The following CLIC5 variants were observed in gnomAD, a reference collection of about 807,000 sequenced individuals.
CLIC5 encodes CLIC family member 5.
In CLIC5, 20 loss-of-function variants were observed where a neutral mutation model predicts 24.7. The observed-to-expected ratio is 0.81, with a 90% confidence interval of 0.57 to 1.18. The LOEUF (loss-of-function observed/expected upper bound fraction) is 1.18. Among genes scored for constraint, CLIC5 ranks in the 50% most tolerant of loss-of-function variants. The probability of loss-of-function intolerance (pLI) is 0.00; values close to 1 mark genes in which losing one functional copy is unlikely to be tolerated. For missense variants in CLIC5, 341 were observed against 326.1 expected (o/e 1.05, Z -0.35); for synonymous variants, 159 against 135.6 (o/e 1.17, Z -1.20).
chr6:45,940,284 A>G (rs1433621339), intron 4 of CLIC5, among the ~76,000 whole-genome samples: 1 of 152,204 alleles, frequency 6.6e-6, no homozygotes, highest in Non-Finnish European at 1.5e-5. Context: ...ACCTGCAGTT[A>G]ATCAGCTCTC....
At chr6:46,091,235 G>A in the CLIC5 span, among the ~76,000 whole-genome samples, 2 of 151,952 alleles carry the variant, frequency 1.3e-5, no homozygotes, top group African/African-American at 2.4e-5. Flanking sequence ...TTGCATCTTT[G>A]ACCAACATCT....
rs1471094692 is a variant in CLIC5 at position 45,900,020 on chromosome 6, AG to A, written c.*3067del. ...TTTGACTTTCTTTATCAGGAGATGA[AG>A]AAACTGTGCTTTGGATCCATCATGA... On this transcript the variant is annotated 3_prime_UTR_variant, in exon 6 of 6. Coordinates refer to ENST00000339561, the MANE Select transcript of CLIC5 (RefSeq NM_016929.5). 1 of 152,186 alleles carries A rather than the reference AG, an allele frequency of 6.6e-6. No individual in the cohort carries two copies. The highest frequency in any genetic ancestry group is 1.5e-5 in the Non-Finnish European group (1 of 68,032). 9.4% of individuals were successfully genotyped at this position (152,186 alleles called of 1,614,324 possible).
chr6:46,029,188 G>A (rs1403898236), intron 1 of CLIC5, among the ~76,000 whole-genome samples: 3 of 152,134 alleles, frequency 2.0e-5, no homozygotes, highest in African/African-American at 7.2e-5. Flanking sequence ...CTTACACAGA[G>A]CAGACACTTA....
At chr6:46,111,427 T>C in the CLIC5 span, among the ~76,000 whole-genome samples, 1 of 152,220 alleles carries the variant, frequency 6.6e-6, no homozygotes, top group South Asian at 2.1e-4. Context: ...TTTTCTTCTA[T>C]TTCCTTAGAA....
the CLIC5 span, among the ~76,000 whole-genome samples, chr6:46,118,680 A>C: frequency 5.4e-4 from 83 of 152,322 alleles, no homozygotes; most frequent in African/African-American, 1.9e-3. Context: ...CCTCAATCCC[A>C]ATGATCTCTC....
intron 1 of CLIC5, among the ~76,000 whole-genome samples, chr6:45,967,313 T>G (rs1303293055): frequency 3.3e-5 from 5 of 152,186 alleles, no homozygotes; most frequent in African/African-American, 4.8e-5. Flanking sequence ...ACATGGTCCC[T>G]CTCTTGAGAA....
chr6:46,091,576 TA>T, the CLIC5 span, among the ~76,000 whole-genome samples: 1 of 152,130 alleles, frequency 6.6e-6, no homozygotes, highest in Admixed American at 6.6e-5. Flanking sequence ...CTGCAAAGAT[TA>T]AAAAATAAAA....
intron 1 of CLIC5, among the ~76,000 whole-genome samples, chr6:46,066,734 A>G (rs750745034): frequency 2.0e-5 from 3 of 152,192 alleles, no homozygotes; most frequent in Non-Finnish European, 2.9e-5. Flanking sequence ...ATGAGGTAAG[A>G]GGTGCTAAAA....
chr6:45,887,789 T>C (rs57799357), intron 6 of CLIC5, among the ~76,000 whole-genome samples: 2,788 of 151,966 alleles, frequency 0.018, 96 homozygotes, highest in African/African-American at 0.064. Flanking sequence ...CGTAATACAC[T>C]CACATGTAAT....
intron 4 of CLIC5, among the ~76,000 whole-genome samples, chr6:45,935,871 T>C (rs1336606693): frequency 6.6e-6 from 1 of 152,158 alleles, no homozygotes; most frequent in Non-Finnish European, 1.5e-5. Flanking sequence ...GAGCTGCACA[T>C]AGCAGGCAAA....
At chr6:45,957,717 G>A (rs1764692010) in intron 1 of CLIC5, among the ~76,000 whole-genome samples, 1 of 152,182 alleles carries the variant, frequency 6.6e-6, no homozygotes, top group South Asian at 2.1e-4. Flanking sequence ...AATATGCGAG[G>A]ATGCTACCAT....
At chr6:46,116,639 G>C in the CLIC5 span, among the ~76,000 whole-genome samples, 41 of 152,298 alleles carry the variant, frequency 2.7e-4, no homozygotes, top group African/African-American at 9.6e-4. Flanking sequence ...AATAGGGTAA[G>C]GCCAAGCTCT....
intron 3 of CLIC5, among the ~76,000 whole-genome samples, chr6:45,948,189 A>T (rs1764349102): frequency 6.6e-6 from 1 of 152,228 alleles, no homozygotes; most frequent in Non-Finnish European, 1.5e-5. Flanking sequence ...AGTGTTGATG[A>T]ATAAATAAAA....
chr6:46,011,975 A>T (rs1766825295), intron 1 of CLIC5, among the ~76,000 whole-genome samples: 1 of 152,122 alleles, frequency 6.6e-6, no homozygotes, highest in Admixed American at 6.5e-5. Flanking sequence ...CATAATATTC[A>T]AGTCAGTGTG....
In CLIC5 at chr6:45,900,374, T is replaced by G. The variant is rs1359268579; in HGVS notation, c.*2714A>C. ...GGAAGCCTCCTACCCTATAGCTGTATAGTTGTGGGGTCCCAACTGCAGACC... is the reference window on the plus strand; with the variant it reads ...GGAAGCCTCCTACCCTATAGCTGTAGAGTTGTGGGGTCCCAACTGCAGACC... On this transcript the variant is annotated 3_prime_UTR_variant, in exon 6 of 6. Transcript: ENST00000339561. The G allele has an allele frequency of 4.6e-5, 7 of 152,174 alleles. No individual in the cohort carries two copies. The East Asian group carries it at 1.3e-3, about 29-fold the overall frequency. 9.4% of individuals were successfully genotyped at this position (152,174 alleles called of 1,614,324 possible).
chr6:45,973,424 C>A (rs1362700541), intron 1 of CLIC5, among the ~76,000 whole-genome samples: 1 of 152,160 alleles, frequency 6.6e-6, no homozygotes, highest in Non-Finnish European at 1.5e-5. Context: ...TCTTTCTTTT[C>A]ATTTTTTAAA....
At position 46,015,653 on chromosome 6, in the gene CLIC5, G is replaced by T; in HGVS notation, c.-111C>A. On this transcript the variant is annotated 5_prime_UTR_variant, in exon 1 of 6. Coordinates refer to ENST00000339561, the MANE Select transcript of CLIC5 (RefSeq NM_016929.5). Reference sequence around the variant, plus strand: ...GCCCAGCGGGGCTCCTCTTCAGGGCGGTGTTTAATTTTTCACAAAACCATC... The same window carrying T: ...GCCCAGCGGGGCTCCTCTTCAGGGCTGTGTTTAATTTTTCACAAAACCATC... 5 of 1,328,274 alleles carry T rather than the reference G, an allele frequency of 3.8e-6. No individual in the cohort carries two copies. The highest frequency in any genetic ancestry group is 3.9e-6 in the Non-Finnish European group (4 of 1,029,868). 82.3% of individuals were successfully genotyped at this position (1,328,274 alleles called of 1,614,324 possible). A position where few individuals can be genotyped will look rare whatever the true frequency, so the allele number is the denominator to read the frequency against.
intron 1 of CLIC5, among the ~76,000 whole-genome samples, chr6:46,035,845 A>G (rs1767642807): frequency 6.6e-6 from 1 of 151,762 alleles, no homozygotes; most frequent in African/African-American, 2.4e-5. Flanking sequence ...CCTAGGTTCA[A>G]CTGATTCTCC....
upstream of CLIC5, among the ~76,000 whole-genome samples, chr6:46,080,927 T>C (rs148329363): frequency 4.7e-3 from 709 of 152,306 alleles, 3 homozygotes; most frequent in Non-Finnish European, 7.8e-3. Context: ...CAAAGACTTA[T>C]GGCTTTAATT....
Sources: gnomAD v4.1 joint callset for allele counts (sites outside exome capture counted in the v4.1 genomes callset) on GRCh38, gnomAD v4.1.1 for gene constraint, MANE v1.5 for transcripts, NCBI Gene and HGNC (gene_info 2026-07-23, HGNC 2026-07-21) for gene names.